The following CWH43 variants were observed in gnomAD, a reference collection of about 807,000 sequenced individuals.
CWH43 encodes the protein cell wall biogenesis 43 C-terminal homolog.
In CWH43, 91 loss-of-function variants were observed where a neutral mutation model predicts 85.7. The observed-to-expected ratio is 1.06, with a 90% CI of 0.90 to 1.26. The LOEUF is 1.26. Among genes scored for constraint, CWH43 ranks in the 50% most tolerant of loss-of-function variants. The probability of loss-of-function intolerance (pLI) is 0.00; values close to 1 mark genes in which losing one functional copy is unlikely to be tolerated. For missense variants in CWH43, 869 were observed against 839.2 expected, an observed-to-expected ratio of 1.04 and a Z score of -0.44; for synonymous variants, 323 against 293.6, an observed-to-expected ratio of 1.10 and a Z score of -1.02.
intron 13 of CWH43, 130 bp from the exon 14 acceptor site, chr4:49,044,656 A>G: frequency 3.1e-6 from 2 of 640,454 alleles, no homozygotes; most frequent in Non-Finnish European, 5.3e-6. Flanking sequence ...AAAAAAGATC[A>G]GTAGGAGCCA....
chr4:48,992,822 T>C lies in CWH43; in HGVS notation c.511+732T>C, dbSNP rs1257768010. On this transcript the variant is annotated intron_variant, in intron 4 of 15. Coordinates refer to ENST00000226432, the MANE Select transcript of CWH43 (RefSeq NM_025087.3). The surrounding 1 kb of genome is among the most constrained non-coding windows in gnomAD (Gnocchi z 4.3). ...CAGACTAATGGAAGTTTAGAGGGTA[T>C]TGGCTCACCAAAAAGTGCTTGTATA... Among the ~76,000 whole-genome samples, 1 of 152,208 alleles carries C rather than the reference T, an allele frequency of 6.6e-6. No individual in the cohort carries two copies. Among genetic ancestry groups the C allele is most frequent in the African/African-American group, 2.4e-5 (1 of 41,448 alleles).
rs1782755743 is a variant in CWH43 at position 48,994,688 on chromosome 4, A to G, written c.581A>G (p.Asn194Ser). Residue 194 changes from asparagine (N) to serine (S), a missense_variant, in exon 5 of 16, where the codon AAC becomes AGC. Asn to Ser is a conservative substitution (Grantham distance 46). This residue lies in a region of CWH43 where 152 missense variants were observed against 203.6 expected (regional missense o/e 0.75). Transcript: ENST00000226432. ...EVATGMASRP[N>S]WLLAGAAFGS... ...GCCACGGGGATGGCCTCTAGACCCA[A>G]CTGGCTGCTGGCAGGGGCTGCTTTT... 6.2e-7 allele frequency: 1 copy of G among 1,614,204 alleles called. No individual in the cohort carries two copies. Among genetic ancestry groups the G allele is most frequent in the Non-Finnish European group, 8.5e-7 (1 of 1,180,034 alleles).
chr4:49,018,316 A>T (rs1200185881), intron 9 of CWH43, among the ~76,000 whole-genome samples: 6 of 152,030 alleles, frequency 3.9e-5, no homozygotes, highest in Non-Finnish European at 7.4e-5. Flanking sequence ...CCAGGCCCCA[A>T]CTCCAACACT....
At chr4:49,055,405 G>T (rs1347747047) in intron 15 of CWH43, among the ~76,000 whole-genome samples, 3 of 152,102 alleles carry the variant, frequency 2.0e-5, no homozygotes, top group Non-Finnish European at 2.9e-5. Context: ...AATTCAGTTT[G>T]CAGGTATTTT....
chr4:49,005,810 G>C lies in CWH43; in HGVS notation c.1061-1391G>C, dbSNP rs80283422. 2.1e-3 allele frequency among the ~76,000 whole-genome samples: 324 copies of C among 152,108 alleles called. 1 individual carries two copies. Among genetic ancestry groups the C allele is most frequent in the African/African-American group, 7.4e-3 (308 of 41,496 alleles). On this transcript the variant is annotated intron_variant, in intron 7 of 15. Coordinates refer to ENST00000226432, the MANE Select transcript of CWH43 (RefSeq NM_025087.3). ...CTTGCCTCAGCCTCCCAAGGTGCTG[G>C]GATTACATCTACCTGGGTTCTGTTA...
chr4:49,058,442 G>T (rs1040059921), intron 15 of CWH43, among the ~76,000 whole-genome samples: 2 of 152,034 alleles, frequency 1.3e-5, no homozygotes, highest in South Asian at 2.1e-4. Context: ...ACAAATTTTT[G>T]TAGATATAGT....
At position 48,986,585 on chromosome 4, in the gene CWH43, CGT is replaced by C. The variant is rs1782502859; in HGVS notation, c.43+115_43+116del. On this transcript the variant is annotated intron_variant, in intron 1 of 15. Transcript: ENST00000226432. The stretch of plus-strand genomic sequence containing the variant: ...TTCAGGTAGGAGGAAAAGGGCGCTC[CGT>C]GCCCAGAGTGGAGATGCTTATCGTC... 3.3e-6 allele frequency: 5 copies of C among 1,519,760 alleles called. No individual in the cohort carries two copies. In the Admixed American group the frequency reaches 1.1e-4, roughly 32 times the overall value. 94.1% of individuals were successfully genotyped at this position (1,519,760 alleles called of 1,614,324 possible).
In CWH43 at chr4:48,992,198, C is replaced by A. The variant is rs562250542; in HGVS notation, c.511+108C>A. On this transcript the variant is annotated intron_variant, in intron 4 of 15. Transcript: ENST00000226432. The surrounding 1 kb of genome is among the most constrained non-coding windows in gnomAD (Gnocchi z 4.3). The stretch of plus-strand genomic sequence containing the variant: ...TAAAAGTAGTCTTTCTGCATTATAT[C>A]TATATTTCAGCTTTTTCTTCCTCTG... 5.7e-5 allele frequency: 56 copies of A among 977,886 alleles called. No homozygotes were observed. In the South Asian group the frequency reaches 8.4e-4, roughly 15 times the overall value. 60.6% of individuals were successfully genotyped at this position (977,886 alleles called of 1,614,324 possible). A position where few individuals can be genotyped will look rare whatever the true frequency, so the allele number is the denominator to read the frequency against.
intron 3 of CWH43, 94 bp from the exon 4 acceptor site, chr4:48,991,842 T>G: frequency 8.9e-7 from 1 of 1,126,802 alleles, no homozygotes; most frequent in Non-Finnish European, 1.3e-6. Context: ...AATAAGACTA[T>G]TTCAGCTACT....
chr4:49,037,258 G>T (rs1784289377), intron 12 of CWH43, among the ~76,000 whole-genome samples: 1 of 152,164 alleles, frequency 6.6e-6, no homozygotes, highest in Non-Finnish European at 1.5e-5. Context: ...GAGCAGGAGA[G>T]CCAAGGAGGC....
Position 49,030,957 on chromosome 4 carries a change from G to A in CWH43, c.1505G>A (p.Trp502Ter), listed in dbSNP as rs371130655. The A allele has an allele frequency of 1.9e-6, 3 of 1,587,426 alleles. No homozygotes were observed. The highest frequency in any genetic ancestry group is 2.3e-5 in the South Asian group (2 of 86,004). The change falls in exon 11 of 16, where the codon TGG (tryptophan) becomes TAG (stop). Residue 502 changes from tryptophan (W) to a stop codon, truncating the protein, a stop_gained. Transcript: ENST00000226432. LOFTEE classifies it high-confidence loss of function. ...DFGPSTRYHTWGIMALSRYPI... is the reference protein window; with the variant it reads ...DFGPSTRYHT The stretch of plus-strand genomic sequence containing the variant: ...GGTCCAAGCACAAGGTATCACACTT[G>A]GGGGTGAGTATACCTTGGGAGTTAA...
At chr4:49,035,003 C>T (rs1336959813) in intron 12 of CWH43, among the ~76,000 whole-genome samples, 1 of 152,204 alleles carries the variant, frequency 6.6e-6, no homozygotes, top group Non-Finnish European at 1.5e-5. Flanking sequence ...CACAGCTAGA[C>T]TCATTCCTTG....
intron 4 of CWH43, among the ~76,000 whole-genome samples, chr4:48,994,328 A>G (rs1782744339): frequency 6.6e-6 from 1 of 152,210 alleles, no homozygotes; most frequent in African/African-American, 2.4e-5. Flanking sequence ...TTTTTCTGCA[A>G]TGCGTTAGCT....
At chr4:49,029,803 T>G (rs753039733) in intron 10 of CWH43, among the ~76,000 whole-genome samples, 6 of 152,236 alleles carry the variant, frequency 3.9e-5, no homozygotes, top group Non-Finnish European at 7.3e-5. Flanking sequence ...GTAACTTCCC[T>G]TGAACTTATT....
intron 13 of CWH43, among the ~76,000 whole-genome samples, chr4:49,042,120 A>C (rs1784481581): frequency 6.6e-6 from 1 of 152,300 alleles, no homozygotes; most frequent in Non-Finnish European, 1.5e-5. Context: ...CAATGGGGAT[A>C]GTTCATGTCT....
chr4:48,988,367 G>C (rs2109735889), intron 1 of CWH43, 110 bp from the exon 2 acceptor site: 1 of 759,194 alleles, frequency 1.3e-6, no homozygotes, highest in East Asian at 2.7e-5. Context: ...TCAGGCCAGA[G>C]TCATGAAGAA....
At chr4:49,024,722 G>C (rs1208924170) in intron 9 of CWH43, among the ~76,000 whole-genome samples, 1 of 152,042 alleles carries the variant, frequency 6.6e-6, no homozygotes, top group Non-Finnish European at 1.5e-5. Context: ...GATATCTGCT[G>C]TTAATCTGAT....
chr4:49,032,990 G>T (rs933041164), intron 12 of CWH43, among the ~76,000 whole-genome samples: 10 of 152,070 alleles, frequency 6.6e-5, no homozygotes, highest in African/African-American at 2.4e-4. Context: ...TACTGTGTTT[G>T]CTCTTCACTC....
chr4:48,988,371 T>G, intron 1 of CWH43, 106 bp from the exon 2 acceptor site: 1 of 777,986 alleles, frequency 1.3e-6, no homozygotes, highest in Non-Finnish European at 2.0e-6. Context: ...GCCAGAGTCA[T>G]GAAGAAGAAT....
Sources: allele counts gnomAD v4.1 joint callset (sites outside exome capture counted in the v4.1 genomes callset), GRCh38; gene constraint gnomAD v4.1.1; regional missense constraint gnomAD v4.1.1; non-coding constraint Gnocchi (gnomAD v3.1); transcripts MANE v1.5; gene names NCBI Gene and HGNC (gene_info 2026-07-23, HGNC 2026-07-21).